Variants in SYN2 observed in about 807,000 individuals in gnomAD.
The protein encoded by SYN2 is synapsin II, also known as synapsin-2.
Under a neutral mutation model 50.9 loss-of-function variants are expected in SYN2, and 19 were observed. That is an observed-to-expected ratio of 0.37 (90% CI 0.26 to 0.55). The LOEUF is 0.55. SYN2 is among the 20% of genes least tolerant of loss of function. The probability of loss-of-function intolerance (pLI) is 0.81; values close to 1 mark genes in which losing one functional copy is unlikely to be tolerated. For synonymous variants in SYN2, 255 were observed against 224.9 expected, an observed-to-expected ratio of 1.13 and a Z score of -1.20; for missense variants, 587 against 576.4, an observed-to-expected ratio of 1.02 and a Z score of -0.19.
Position 12,190,873 on chromosome 3 carries a change from G to A in SYN2, c.*248G>A, listed in dbSNP as rs1698432431. Reference sequence around the variant, plus strand: ...GAGCTGCTTCCCTGTAGTCATGAGAGCTTCCTTCTGAAGTCATCGTTCGCT... The same window carrying A: ...GAGCTGCTTCCCTGTAGTCATGAGAACTTCCTTCTGAAGTCATCGTTCGCT... On this transcript the variant is annotated 3_prime_UTR_variant, in exon 13 of 13. Transcript: ENST00000621198. 7.9e-7 allele frequency: 1 copy of A among 1,264,414 alleles called. No individual in the cohort carries two copies. The highest frequency in any genetic ancestry group is 9.9e-7 in the Non-Finnish European group (1 of 1,005,614). The allele number at this position is 1,264,414 out of a possible 1,614,324, so 78.3% of individuals were successfully genotyped here.
At chr3:12,026,028 A>G (rs1456060649) in intron 1 of SYN2, among the ~76,000 whole-genome samples, 5 of 152,152 alleles carry the variant, frequency 3.3e-5, no homozygotes, top group Admixed American at 2.0e-4. Context: ...TATAGGTGCT[A>G]TTATTAAATT....
chr3:12,010,147 G>A (rs380004), intron 1 of SYN2, among the ~76,000 whole-genome samples: 29,453 of 152,078 alleles, frequency 0.19, 5,443 homozygotes, highest in African/African-American at 0.49. Context: ...AGACCTAGTC[G>A]TCAAAATCCA....
intron 1 of SYN2, among the ~76,000 whole-genome samples, chr3:12,008,801 C>T (rs1693854623): frequency 6.6e-6 from 1 of 152,204 alleles, no homozygotes; most frequent in Non-Finnish European, 1.5e-5. Context: ...GAGGTTTTAA[C>T]TGAGCTCGAA....
At chr3:12,026,275 A>T (rs1309659461) in intron 1 of SYN2, among the ~76,000 whole-genome samples, 1 of 152,228 alleles carries the variant, frequency 6.6e-6, no homozygotes, top group Non-Finnish European at 1.5e-5. Flanking sequence ...GCAAATAATT[A>T]TATGACAAAT....
chr3:12,106,815 ATTTT>A (rs1277901767), intron 1 of SYN2, among the ~76,000 whole-genome samples: 7 of 152,150 alleles, frequency 4.6e-5, no homozygotes, highest in Admixed American at 1.3e-4. Context: ...TAGTTTTCAA[ATTTT>A]TTGTAGTTTT....
intron 1 of SYN2, among the ~76,000 whole-genome samples, chr3:12,065,926 C>T (rs920821052): frequency 2.0e-5 from 3 of 152,014 alleles, no homozygotes; most frequent in African/African-American, 7.3e-5. Context: ...TATGAAGAGT[C>T]CAGAATAGGC....
intron 1 of SYN2, among the ~76,000 whole-genome samples, chr3:12,059,282 G>T (rs1478835303): frequency 1.3e-5 from 2 of 152,272 alleles, no homozygotes; most frequent in Middle Eastern, 6.8e-3. Context: ...ATACATAGAG[G>T]TTACACATTG....
chr3:12,116,214 A>G (rs542134225), intron 1 of SYN2, among the ~76,000 whole-genome samples: 1 of 152,330 alleles, frequency 6.6e-6, no homozygotes, highest in South Asian at 2.1e-4. Flanking sequence ...TGCAAAGGAA[A>G]TGAAAAACTC....
intron 1 of SYN2, among the ~76,000 whole-genome samples, chr3:12,067,454 A>C (rs1695238181): frequency 6.6e-6 from 1 of 152,066 alleles, no homozygotes; most frequent in Non-Finnish European, 1.5e-5. Context: ...AACTCCTCTA[A>C]TTAATATGCA....
chr3:12,184,414 T>A, intron 11 of SYN2: 1 of 985,950 alleles, frequency 1.0e-6, no homozygotes, highest in Non-Finnish European at 1.2e-6. Context: ...GGACATAGAA[T>A]GCAGGGAGCT....
intron 1 of SYN2, among the ~76,000 whole-genome samples, chr3:12,099,114 CACTTTAAG>C (rs1696012593): frequency 6.6e-6 from 1 of 151,960 alleles, no homozygotes. Flanking sequence ...TCAACAATAA[CACTTTAAG>C]ACTTCAGTAC....
rs1693738993 is a variant in SYN2, at chr3:12,004,522, GCCCCGCGCGC to G, written c.-25_-16del. 1.8e-6 allele frequency: 1 copy of G among 563,748 alleles called. No homozygotes were observed. The highest frequency in any genetic ancestry group is 3.3e-6 in the Non-Finnish European group (1 of 302,744). The allele number at this position is 563,748 out of a possible 1,614,324, so 34.9% of individuals were successfully genotyped here. On this transcript the variant is annotated 5_prime_UTR_variant, in exon 1 of 13. Transcript: ENST00000621198. The stretch of plus-strand genomic sequence containing the variant: ...TCCCTCCGCGCCACCAGACCCCGTA[GCCCCGCGCGC>G]CCCCAGCCCTTTAAGCCAGATGATG...
intron 1 of SYN2, among the ~76,000 whole-genome samples, chr3:12,020,703 C>T (rs1290576352): frequency 6.6e-6 from 1 of 151,890 alleles, no homozygotes; most frequent in Non-Finnish European, 1.5e-5. Context: ...AATGATTTAC[C>T]TCCTCTCCCC....
chr3:12,097,413 T>A (rs1425436742), intron 1 of SYN2, among the ~76,000 whole-genome samples: 1 of 151,948 alleles, frequency 6.6e-6, no homozygotes, highest in African/African-American at 2.4e-5. Flanking sequence ...AAGACCATCC[T>A]GGCTAACACG....
At chr3:12,161,417 G>A (rs1697645567) in intron 5 of SYN2, 129 bp from the exon 6 acceptor site, 1 of 1,030,624 alleles carries the variant, frequency 9.7e-7, no homozygotes, top group Admixed American at 2.1e-5. Context: ...TTTTTAATCT[G>A]TAAAGCAAGT....
At chr3:12,071,667 G>A (rs1171157890) in intron 1 of SYN2, 3 of 318,626 alleles carry the variant, frequency 9.4e-6, no homozygotes, top group South Asian at 2.9e-5. Flanking sequence ...GCTTGTGGAA[G>A]ACAAGTCTGT....
intron 1 of SYN2, among the ~76,000 whole-genome samples, chr3:12,056,509 A>G (rs1694993466): frequency 6.6e-6 from 1 of 152,198 alleles, no homozygotes; most frequent in South Asian, 2.1e-4. Flanking sequence ...TTGTATGAAC[A>G]AGAGCAAGAG....
At chr3:12,147,188 G>GGTGT (rs149944209) in intron 4 of SYN2, among the ~76,000 whole-genome samples, 1 of 151,278 alleles carries the variant, frequency 6.6e-6, no homozygotes, top group African/African-American at 2.4e-5. Context: ...GCTGAAGAGG[G>GGTGT]GTGTGTGTGT....
At chr3:12,062,852 G>A (rs1275129420) in intron 1 of SYN2, among the ~76,000 whole-genome samples, 1 of 152,054 alleles carries the variant, frequency 6.6e-6, no homozygotes, top group Non-Finnish European at 1.5e-5. Flanking sequence ...TTCAGTAGGT[G>A]AATGGGTAAA....
Sources: gnomAD v4.1 joint callset for allele counts (sites outside exome capture counted in the v4.1 genomes callset) on GRCh38, gnomAD v4.1.1 for gene constraint, MANE v1.5 for transcripts, NCBI Gene and HGNC (gene_info 2026-07-23, HGNC 2026-07-21) for gene names.